The following WNT2 variants were observed in gnomAD, a reference collection of about 807,000 sequenced individuals.
The protein encoded by WNT2 is protein Wnt-2.
Under a neutral mutation model 36.9 loss-of-function variants are expected in WNT2, and 12 were observed. The ratio of observed to expected loss-of-function variants is 0.33; its 90% CI spans 0.21 to 0.53. WNT2 has a LOEUF of 0.53. Among genes scored for constraint, WNT2 ranks in the 20% least tolerant of loss-of-function variants. The probability of loss-of-function intolerance (pLI) is 0.95; values close to 1 mark genes in which losing one functional copy is unlikely to be tolerated. For synonymous variants in WNT2, 163 were observed against 174.6 expected (o/e 0.93, Z 0.52); for missense variants, 379 against 473.1 (o/e 0.80, Z 1.84).
chr7:117,318,465 G>A (rs188604895), intron 2 of WNT2, among the ~76,000 whole-genome samples: 6 of 152,264 alleles, frequency 3.9e-5, no homozygotes, highest in Admixed American at 6.5e-5. Context: ...GAGTACTGTG[G>A]CAAAGTATTC....
At chr7:117,291,988 G>T (rs916077019) in intron 4 of WNT2, among the ~76,000 whole-genome samples, 4 of 151,950 alleles carry the variant, frequency 2.6e-5, no homozygotes, top group African/African-American at 7.3e-5. Flanking sequence ...TGTTGGTCAG[G>T]CTGGTCTCGA....
At chr7:117,317,327 C>G (rs1235330238) in intron 2 of WNT2, among the ~76,000 whole-genome samples, 1 of 152,172 alleles carries the variant, frequency 6.6e-6, no homozygotes, top group Non-Finnish European at 1.5e-5. Context: ...TGAAAGAAAA[C>G]AAATCACAAT....
At position 117,288,711 on chromosome 7, in the gene WNT2, CT is replaced by C. The variant is rs202144715; in HGVS notation, c.853+8900del. 7.0e-3 allele frequency among the ~76,000 whole-genome samples: 1,056 copies of C among 150,672 alleles called. 10 individuals are homozygous for C. The highest frequency in any genetic ancestry group is 0.023 in the African/African-American group (957 of 41,080). ...TAAACATTTTTTTCCTGAAAAGTATCTTTTTTTTTAGAAAAAAAATCCTTTT... is the reference window on the plus strand; with the variant it reads ...TAAACATTTTTTTCCTGAAAAGTATCTTTTTTTTAGAAAAAAAATCCTTTT... On this transcript the variant is annotated intron_variant, in intron 4 of 4. Transcript: ENST00000265441.
chr7:117,298,422 G>A (rs1431161969), intron 3 of WNT2, among the ~76,000 whole-genome samples: 10 of 152,130 alleles, frequency 6.6e-5, no homozygotes. Flanking sequence ...AGAGGTGGAA[G>A]CACTCACCCA....
chr7:117,292,856 A>C (rs1212910565), intron 4 of WNT2, among the ~76,000 whole-genome samples: 5 of 152,154 alleles, frequency 3.3e-5, no homozygotes, highest in African/African-American at 4.8e-5. Context: ...GTACTGAAAA[A>C]ACATATATAT....
chr7:117,290,335 A>G (rs80272712), intron 4 of WNT2, among the ~76,000 whole-genome samples: 3,258 of 152,314 alleles, frequency 0.021, 128 homozygotes, highest in African/African-American at 0.074. Context: ...AGAGGAGTGT[A>G]GTTATAAAGT....
Position 117,297,678 on chromosome 7 carries a change from G to T in WNT2, c.787C>A (p.Pro263Thr), listed in dbSNP as rs535247671. 1.5e-4 allele frequency: 239 copies of T among 1,614,032 alleles called. 4 individuals are homozygous for T. The South Asian group carries it at 2.6e-3, about 17-fold the overall frequency. The part of the protein sequence containing the change: ...FTVANERFKK[P>T]TKNDLVYFEN... ...AAATACACGAGGTCATTTTTCGTTG[G>T]CTTCTTAAACCTCTCGTTAGCCACA... The change falls in exon 4 of 5, where the codon CCA (proline) becomes ACA (threonine). Residue 263 changes from proline (P) to threonine (T), a missense_variant. Physicochemically the swap from Pro to Thr is conservative, Grantham distance 38. Transcript: ENST00000265441.
chr7:117,322,138 G>C lies in WNT2; in HGVS notation c.83+769C>G, dbSNP rs923215422. ...GCAGATGGAGAACGGTTTCTAGATG[G>C]GGAGGGAATCTGCCTTTGGAACTTT... is the stretch of plus-strand genomic sequence containing the variant. On this transcript the variant is annotated intron_variant, in intron 1 of 4. Transcript: ENST00000265441. This position sits in a 1 kb window ranked among gnomAD's most constrained non-coding sequence, Gnocchi z 5.4. The C allele has an allele frequency of 6.6e-6, 1 of 152,122 alleles. No homozygotes were observed. Among genetic ancestry groups the C allele is most frequent in the African/African-American group, 2.4e-5 (1 of 41,434 alleles). The allele number at this position is 152,122 out of a possible 1,614,324, so 9.4% of individuals were successfully genotyped here.
intron 3 of WNT2, among the ~76,000 whole-genome samples, chr7:117,299,194 G>C (rs996615000): frequency 6.6e-5 from 10 of 152,120 alleles, no homozygotes; most frequent in African/African-American, 2.4e-4. Flanking sequence ...TGAGTGTTTG[G>C]TAGGAAGCTC....
intron 3 of WNT2, among the ~76,000 whole-genome samples, chr7:117,305,079 C>G (rs1023073643): frequency 6.6e-6 from 1 of 152,154 alleles, no homozygotes; most frequent in African/African-American, 2.4e-5. Context: ...AAGGGCCAGC[C>G]TGTGGTAGGT....
At chr7:117,278,417 G>T (rs753578279) in intron 4 of WNT2, 33 bp from the exon 5 acceptor site, 1 of 1,587,560 alleles carries the variant, frequency 6.3e-7, no homozygotes, top group Middle Eastern at 1.7e-4. Context: ...TTACTGAAAA[G>T]GTCTGGGTGG....
intron 3 of WNT2, chr7:117,301,157 C>G (rs568455500): frequency 6.6e-6 from 1 of 152,142 alleles, no homozygotes; most frequent in South Asian, 2.1e-4. Context: ...GACAATTAAC[C>G]TGGGAGGAAA....
At chr7:117,306,069 T>G (rs1795009026) in intron 3 of WNT2, among the ~76,000 whole-genome samples, 1 of 152,240 alleles carries the variant, frequency 6.6e-6, no homozygotes, top group South Asian at 2.1e-4. Flanking sequence ...CCCATTTGCT[T>G]TTATTCTTCT....
chr7:117,321,547 A>T (rs1795325961), intron 1 of WNT2, among the ~76,000 whole-genome samples: 1 of 152,230 alleles, frequency 6.6e-6, no homozygotes, highest in Non-Finnish European at 1.5e-5. Flanking sequence ...ATTAGTCGTG[A>T]AATGTTTAGA....
intron 3 of WNT2, among the ~76,000 whole-genome samples, chr7:117,312,354 T>A (rs1795138586): frequency 6.6e-6 from 1 of 152,140 alleles, no homozygotes; most frequent in Non-Finnish European, 1.5e-5. Context: ...GCTAATTTTT[T>A]ATATTTTTCT....
chr7:117,292,852 A>G (rs1409700418), intron 4 of WNT2, among the ~76,000 whole-genome samples: 1 of 152,210 alleles, frequency 6.6e-6, no homozygotes, highest in Non-Finnish European at 1.5e-5. Flanking sequence ...TCAGGTACTG[A>G]AAAAACATAT....
rs1794419671 is a variant in WNT2, at chr7:117,278,342, CG to C, written c.895del (p.Arg299GlyfsTer23). On this transcript the variant is annotated frameshift_variant, in exon 5 of 5. Transcript: ENST00000265441. LOFTEE classifies it high-confidence loss of function. ...CATGACTTCACAGCTGTCCATGCCC[CG>C]GGAAGTCAGGTTGCACACACGGCCT... Reference protein sequence around the residue: ...TAGRVCNLTSRGMDSCEVMCC... With the variant: ...TAGRVCNLTSXGMDSCEVMCC... 6.2e-7 allele frequency: 1 copy of C among 1,613,988 alleles called. No homozygotes were observed. Among genetic ancestry groups the C allele is most frequent in the Non-Finnish European group, 8.5e-7 (1 of 1,180,022 alleles).
chr7:117,320,416 C>A, intron 2 of WNT2, 151 bp downstream of exon 2: 1 of 745,628 alleles, frequency 1.3e-6, no homozygotes, highest in East Asian at 2.7e-5. Flanking sequence ...TTCTCTAGTC[C>A]TCACCTGTAG....
At chr7:117,296,895 C>A (rs192302703) in intron 4 of WNT2, among the ~76,000 whole-genome samples, 80 of 152,224 alleles carry the variant, frequency 5.3e-4, no homozygotes, top group Non-Finnish European at 9.1e-4. Flanking sequence ...TGCTTTTTAT[C>A]TTTGGCAATT....
Sources: gnomAD v4.1 joint callset for allele counts (sites outside exome capture counted in the v4.1 genomes callset) on GRCh38, gnomAD v4.1.1 for gene constraint, Gnocchi (gnomAD v3.1) non-coding constraint, MANE v1.5 for transcripts, NCBI Gene and HGNC (gene_info 2026-07-23, HGNC 2026-07-21) for gene names.